SYCP1: variants seen among roughly 807,000 people sequenced by gnomAD.
The protein encoded by SYCP1 is cancer/testis antigen 8.
A neutral mutation model predicts 153.1 loss-of-function variants in SYCP1; 64 were observed. The observed-to-expected ratio is 0.42, with a 90% CI of 0.34 to 0.51. The LOEUF (loss-of-function observed/expected upper bound fraction) is 0.51. Ranked by LOEUF, SYCP1 falls within the 20% of genes least tolerant of loss-of-function variation. SYCP1 has a pLI of 0.06. For synonymous variants in SYCP1, 384 were observed against 341.8 expected, an observed-to-expected ratio of 1.12 and a Z score of -1.36; for missense variants, 997 against 1,049.0, an observed-to-expected ratio of 0.95 and a Z score of 0.68.
intron 12 of SYCP1, 64 bp from the exon 13 acceptor site, chr1:114,885,471 A>G (rs773924477): frequency 4.0e-5 from 37 of 935,670 alleles, no homozygotes; most frequent in Non-Finnish European, 6.0e-5. Context: ...GTCACAAATA[A>G]TACTTAGTTT....
At chr1:114,884,087 G>A (rs77948893) in intron 12 of SYCP1, among the ~76,000 whole-genome samples, 4,762 of 152,182 alleles carry the variant, frequency 0.031, 123 homozygotes, top group Non-Finnish European at 0.042. Context: ...TATAAACTTG[G>A]CACGTACTTC....
Position 114,981,245 on chromosome 1 carries a change from A to G in SYCP1, c.2383-91A>G, listed in dbSNP as rs1016657473. On this transcript the variant is annotated intron_variant, in intron 28 of 31. Transcript: ENST00000369522. Reference sequence around the variant, plus strand: ...GGATAAATTTGCTTATTTTGTTGTGAATTCTACTAGTTGCTGCACTTTAAT... The same window carrying G: ...GGATAAATTTGCTTATTTTGTTGTGGATTCTACTAGTTGCTGCACTTTAAT... The G allele has an allele frequency of 3.0e-6, 3 of 1,014,770 alleles. No individual in the cohort carries two copies. The African/African-American group carries it at 5.0e-5, about 17-fold the overall frequency. The allele number at this position is 1,014,770 out of a possible 1,614,324, so 62.9% of individuals were successfully genotyped here.
chr1:114,961,536 G>A (rs762957087), intron 27 of SYCP1, among the ~76,000 whole-genome samples: 1 of 152,172 alleles, frequency 6.6e-6, no homozygotes, highest in African/African-American at 2.4e-5. Flanking sequence ...TTGATAGGCT[G>A]TGTCACTATT....
At chr1:114,909,365 C>G (rs1001480309) in intron 16 of SYCP1, among the ~76,000 whole-genome samples, 2 of 151,908 alleles carry the variant, frequency 1.3e-5, no homozygotes, top group East Asian at 3.9e-4. Context: ...CTGACAAACT[C>G]ACTCCTCTTC....
intron 20 of SYCP1, among the ~76,000 whole-genome samples, chr1:114,919,403 G>A (rs1167046648): frequency 6.6e-6 from 1 of 152,038 alleles, no homozygotes; most frequent in African/African-American, 2.4e-5. Context: ...AATTTGGTTT[G>A]CTAGTATGTT....
At position 114,877,797 on chromosome 1, in the gene SYCP1, C is replaced by G. The variant is rs58389524; in HGVS notation, c.802-297C>G. The stretch of plus-strand genomic sequence containing the variant: ...GCAGGATAGCAAAGACAGACTGAAT[C>G]TTACCATTATGTATGTTGACTTTTC... On this transcript the variant is annotated intron_variant, in intron 11 of 31. Transcript: ENST00000369522. 2.2e-4 allele frequency among the ~76,000 whole-genome samples: 33 copies of G among 152,316 alleles called. No homozygotes were observed. The East Asian group carries it at 6.4e-3, about 29-fold the overall frequency.
At chr1:114,923,024 A>G (rs1429530403) in intron 20 of SYCP1, among the ~76,000 whole-genome samples, 6 of 152,194 alleles carry the variant, frequency 3.9e-5, no homozygotes, top group Admixed American at 3.9e-4. Context: ...TATATACCAC[A>G]TTCAGGGAAC....
rs529913481 is a variant in SYCP1 at position 114,950,793 on chromosome 1, A to G, written c.2322+3473A>G. 2.6e-5 allele frequency among the ~76,000 whole-genome samples: 4 copies of G among 152,008 alleles called. No individual in the cohort carries two copies. The South Asian group carries it at 8.3e-4, about 32-fold the overall frequency. On this transcript the variant is annotated intron_variant, in intron 27 of 31. Transcript: ENST00000369522. The stretch of plus-strand genomic sequence containing the variant: ...AATGATGAATGCTAATTATACATAC[A>G]TATATACATAATTATGTTAAATTAC...
At chr1:114,880,238 G>C (rs1459768532) in intron 12 of SYCP1, among the ~76,000 whole-genome samples, 1 of 152,116 alleles carries the variant, frequency 6.6e-6, no homozygotes, top group Non-Finnish European at 1.5e-5. Flanking sequence ...CACCATCCAA[G>C]AACTCTTTTC....
chr1:114,921,911 A>G (rs189389726), intron 20 of SYCP1, among the ~76,000 whole-genome samples: 21 of 152,280 alleles, frequency 1.4e-4, no homozygotes, highest in Non-Finnish European at 2.9e-4. Flanking sequence ...TTCACTGGAT[A>G]TACTATTCTA....
At chr1:114,991,356 A>C (rs559264373) in intron 30 of SYCP1, among the ~76,000 whole-genome samples, 2 of 152,052 alleles carry the variant, frequency 1.3e-5, no homozygotes, top group East Asian at 3.9e-4. Flanking sequence ...CACCACAAGA[A>C]AGGAAAATTA....
intron 12 of SYCP1, among the ~76,000 whole-genome samples, chr1:114,878,610 C>T (rs1167063097): frequency 6.6e-6 from 1 of 152,182 alleles, no homozygotes; most frequent in Non-Finnish European, 1.5e-5. Context: ...GTGGCACAAT[C>T]TTGGCTCACT....
At chr1:114,943,129 G>C (rs899356660) in intron 23 of SYCP1, among the ~76,000 whole-genome samples, 1 of 151,914 alleles carries the variant, frequency 6.6e-6, no homozygotes, top group Non-Finnish European at 1.5e-5. Flanking sequence ...TTGTGAAGCA[G>C]GAAAAGTCAT....
At chr1:114,979,434 A>C (rs1673009739) in intron 28 of SYCP1, among the ~76,000 whole-genome samples, 1 of 151,784 alleles carries the variant, frequency 6.6e-6, no homozygotes, top group East Asian at 1.9e-4. Flanking sequence ...CAGTATTGTC[A>C]CATGAGAATT....
intron 8 of SYCP1, among the ~76,000 whole-genome samples, chr1:114,861,345 AT>A (rs575145769): frequency 6.6e-6 from 1 of 152,074 alleles, no homozygotes. Flanking sequence ...ATAAAGTAGG[AT>A]TTTTTCCCAT....
chr1:114,870,128 C>A (rs7555805), intron 8 of SYCP1, among the ~76,000 whole-genome samples: 1 of 152,112 alleles, frequency 6.6e-6, no homozygotes, highest in Admixed American at 6.5e-5. Flanking sequence ...ATCTTCTTAC[C>A]TCAGCCTCTT....
At chr1:114,863,647 C>A (rs191283721) in intron 8 of SYCP1, among the ~76,000 whole-genome samples, 4 of 152,268 alleles carry the variant, frequency 2.6e-5, no homozygotes, top group African/African-American at 9.6e-5. Flanking sequence ...GAGATGGTAT[C>A]TCATTGTGGT....
chr1:114,989,366 A>G (rs923779228), intron 30 of SYCP1, among the ~76,000 whole-genome samples: 2 of 151,784 alleles, frequency 1.3e-5, no homozygotes, highest in African/African-American at 4.8e-5. Context: ...AGAAATGAGA[A>G]TGGAATCAGA....
intron 8 of SYCP1, among the ~76,000 whole-genome samples, chr1:114,871,707 G>T (rs888905129): frequency 1.3e-5 from 2 of 150,532 alleles, no homozygotes; most frequent in African/African-American, 2.4e-5. Flanking sequence ...CGAGTAGCTG[G>T]TATTACAGGC....
Sources: gnomAD v4.1 joint callset for allele counts (sites outside exome capture counted in the v4.1 genomes callset) on GRCh38, gnomAD v4.1.1 for gene constraint, MANE v1.5 for transcripts, NCBI Gene and HGNC (gene_info 2026-07-23, HGNC 2026-07-21) for gene names.